Variants in LAMA3 observed in about 807,000 individuals in gnomAD.
LAMA3 encodes the protein laminin subunit alpha 3, also known as laminin subunit alpha-3.
LAMA3 carries 281 observed loss-of-function variants against 402.0 expected under a neutral mutation model. The ratio of observed to expected loss-of-function variants is 0.70; its 90% confidence interval spans 0.63 to 0.77. The LOEUF (loss-of-function observed/expected upper bound fraction) is 0.77. Ranked by LOEUF, LAMA3 falls within the 30% of genes least tolerant of loss-of-function variation. LAMA3 has a pLI of 0.00. For missense variants in LAMA3, 3,840 were observed against 4,215.5 expected, an observed-to-expected ratio of 0.91 and a Z score of 2.47; for synonymous variants, 1,431 against 1,558.4, an observed-to-expected ratio of 0.92 and a Z score of 1.93.
At chr18:23,719,871 GT>G (rs1328417823) in intron 2 of LAMA3, among the ~76,000 whole-genome samples, 1 of 152,150 alleles carries the variant, frequency 6.6e-6, no homozygotes, top group Non-Finnish European at 1.5e-5. Flanking sequence ...GACTCAGCTG[GT>G]TCCCCGGGTG....
chr18:23,942,583 T>C (rs1195472353), intron 68 of LAMA3, among the ~76,000 whole-genome samples: 6 of 145,892 alleles, frequency 4.1e-5, no homozygotes, highest in Non-Finnish European at 9.1e-5. Flanking sequence ...CACTCTGCTT[T>C]TTTTTTTTTT....
rs1175852425 is a variant in LAMA3, at chr18:23,749,489, T to C, written c.627T>C (p.Asp209=). The change falls in exon 4 of 75, where the codon GAT becomes GAC. Residue 209 remains aspartate, a synonymous_variant. Coordinates refer to ENST00000313654, the MANE Select transcript of LAMA3 (RefSeq NM_198129.4). Reference sequence around the variant, plus strand: ...AGGCAAATATGGCTGTCACCCGGGATGATGATGTACTTTGTGTTACTGAAT... The same window carrying C: ...AGGCAAATATGGCTGTCACCCGGGACGATGATGTACTTTGTGTTACTGAAT... ...GREANMAVTR[D]DDVLCVTEYS... 6.2e-7 allele frequency: 1 copy of C among 1,613,456 alleles called. No homozygotes were observed. The highest frequency in any genetic ancestry group is 8.5e-7 in the Non-Finnish European group (1 of 1,179,372).
chr18:23,907,047 T>G (rs2081272944), intron 52 of LAMA3, among the ~76,000 whole-genome samples: 1 of 152,242 alleles, frequency 6.6e-6, no homozygotes, highest in Admixed American at 6.5e-5. Context: ...GTGTCTGTAT[T>G]TGCCTGGATG....
chr18:23,815,566 G>T lies in LAMA3; in HGVS notation c.2040G>T (p.Gly680=). Residue 680 remains glycine (G), a synonymous_variant, in exon 17 of 75, where the codon GGG becomes GGT. Coordinates refer to ENST00000313654, the MANE Select transcript of LAMA3 (RefSeq NM_198129.4). ...CTTTGGAAAAGAGCAATTACTTTGG[G>T]TGTCAAGGTAAATAAGTCCATTGGG... is the stretch of plus-strand genomic sequence containing the variant. ...YFALEKSNYF[G]CQGCQCDIGG... 6.2e-7 allele frequency: 1 copy of T among 1,610,916 alleles called. No homozygotes were observed.
intron 11 of LAMA3, among the ~76,000 whole-genome samples, 197 bp from the exon 12 acceptor site, chr18:23,783,826 T>G (rs2062485347): frequency 6.6e-6 from 1 of 152,224 alleles, no homozygotes; most frequent in Non-Finnish European, 1.5e-5. Context: ...TACGTGTTTT[T>G]TTTAATGATA....
Position 23,842,439 on chromosome 18 carries a change from C to A in LAMA3, c.3381C>A (p.Tyr1127Ter), listed in dbSNP as rs767385840. 2.5e-6 allele frequency: 4 copies of A among 1,614,140 alleles called. No individual in the cohort carries two copies. Among genetic ancestry groups the A allele is most frequent in the Non-Finnish European group, 1.7e-6 (2 of 1,180,030 alleles). Residue 1127 changes from tyrosine (Y) to a stop codon, truncating the protein, a stop_gained, in exon 28 of 75, where the codon TAC (tyrosine) becomes TAA (stop). Coordinates refer to ENST00000313654, the MANE Select transcript of LAMA3 (RefSeq NM_198129.4). LOFTEE classifies it high-confidence loss of function. ...GACGTGTACCACACCTGGGCCGATA[C>A]GTCTTTGTCATCCATTTTTACCAAG... is the stretch of plus-strand genomic sequence containing the variant. ...LRGRVPHLGR[Y>*]VFVIHFYQAA...
At position 23,901,243 on chromosome 18, in the gene LAMA3, C is replaced by T; in HGVS notation, c.6121C>T (p.Arg2041Trp). The T allele has an allele frequency of 5.0e-6, 8 of 1,614,092 alleles. No homozygotes were observed. Among genetic ancestry groups the T allele is most frequent in the South Asian group, 1.1e-5 (1 of 91,066 alleles). The change falls in exon 48 of 75, where the codon CGG becomes TGG. Residue 2041 changes from arginine to tryptophan, a missense_variant. By Grantham distance (101) the Arg-to-Trp change is moderately radical. This residue lies in a region of LAMA3 where 891 missense variants were observed against 857.5 expected (regional missense o/e 1.04). Transcript: ENST00000313654. ...YEAKLSDLRARLQEAAAQAKQ... is the reference protein window; with the variant it reads ...YEAKLSDLRAWLQEAAAQAKQ... ...AGCCAAACTCAGTGACCTTCGTGCT[C>T]GGCTGCAGGAGGCAGCTGCCCAAGC...
chr18:23,764,540 G>A (rs921003356), intron 8 of LAMA3, among the ~76,000 whole-genome samples: 2 of 151,250 alleles, frequency 1.3e-5, no homozygotes, highest in Admixed American at 6.6e-5. Flanking sequence ...TTTGTACTTT[G>A]CTGTTCCAGG....
At chr18:23,700,950 C>T (rs181367333) in intron 1 of LAMA3, among the ~76,000 whole-genome samples, 32 of 152,230 alleles carry the variant, frequency 2.1e-4, no homozygotes, top group South Asian at 8.3e-4. Flanking sequence ...CTCTCATCTC[C>T]GCCTCCAAAA....
chr18:23,898,877 G>A (rs750159448), intron 45 of LAMA3, 29 bp downstream of exon 45: 59 of 1,571,308 alleles, frequency 3.8e-5, no homozygotes, highest in Admixed American at 5.0e-5. Flanking sequence ...TTAACTTTGG[G>A]GTTTTTTTGC....
chr18:23,842,699 G>C lies in LAMA3; in HGVS notation c.3552G>C (p.Glu1184Asp), dbSNP rs553288384. The C allele has an allele frequency of 1.4e-5, 22 of 1,614,226 alleles. No homozygotes were observed. The South Asian group carries it at 2.0e-4, about 14-fold the overall frequency. ...GCCAGATTGAGTTTGACATCTCAGA[G>C]CCTGAAGTGGCCGCAACTGTGAAGG... ...AEGQIEFDISEPEVAATVKVP... is the reference protein window; with the variant it reads ...AEGQIEFDISDPEVAATVKVP... The change falls in exon 29 of 75, where the codon GAG (glutamate) becomes GAC (aspartate). Residue 1184 changes from glutamate to aspartate, a missense_variant. Physicochemically the swap from Glu to Asp is conservative, Grantham distance 45. This residue lies in a region of LAMA3 where 2,109 missense variants were observed against 2,376.0 expected (regional missense o/e 0.89). Transcript: ENST00000313654.
chr18:23,814,589 T>G, intron 15 of LAMA3, 87 bp downstream of exon 15: 1 of 850,330 alleles, frequency 1.2e-6, no homozygotes, highest in Admixed American at 1.8e-5. Context: ...AAAAGAGCTA[T>G]TTGTTGAATC....
chr18:23,749,313 C>T, intron 3 of LAMA3, 115 bp from the exon 4 acceptor site: 1 of 655,806 alleles, frequency 1.5e-6, no homozygotes, highest in South Asian at 1.9e-5. Context: ...GTTTTAAATG[C>T]CTTTCTGTTT....
At chr18:23,834,324 T>G (rs2144525775) in intron 24 of LAMA3, 4 of 351,936 alleles carry the variant, frequency 1.1e-5, no homozygotes, top group Non-Finnish European at 2.2e-5. Context: ...TCAAAGGCTG[T>G]GTCAAGTACC....
At chr18:23,905,049 G>A (rs1380521360) in intron 51 of LAMA3, among the ~76,000 whole-genome samples, 1 of 152,040 alleles carries the variant, frequency 6.6e-6, no homozygotes, top group Non-Finnish European at 1.5e-5. Context: ...AGGTCATTTG[G>A]TCTTACATCT....
rs780388235 is a variant in LAMA3, at chr18:23,898,937, A to G, written c.5725-17A>G. On this transcript the variant is annotated splice_polypyrimidine_tract_variant and intron_variant, in intron 45 of 74. Coordinates refer to ENST00000313654, the MANE Select transcript of LAMA3 (RefSeq NM_198129.4). ...TATTGACTTAATTTGCTGCTAATCA[A>G]TTTATTTTTCATATAGGCTCAAGTA... 3 of 1,607,060 alleles carry G rather than the reference A, an allele frequency of 1.9e-6. No individual in the cohort carries two copies. In the East Asian group the frequency reaches 6.7e-5, roughly 36 times the overall value.
chr18:23,853,662 T>TA (rs1253200649), intron 32 of LAMA3, among the ~76,000 whole-genome samples: 2 of 152,188 alleles, frequency 1.3e-5, no homozygotes, highest in African/African-American at 4.8e-5. Context: ...CAGATGTTGT[T>TA]ACAAAACGTT....
chr18:23,720,943 G>A (rs747720969), intron 2 of LAMA3, among the ~76,000 whole-genome samples: 46 of 152,022 alleles, frequency 3.0e-4, no homozygotes, highest in Non-Finnish European at 6.5e-4. Flanking sequence ...GATTGCTTGA[G>A]GCCAGGAGTT....
At position 23,784,095 on chromosome 18, in the gene LAMA3, G is replaced by A. The variant is rs1437074022; in HGVS notation, c.1541G>A (p.Gly514Glu). 6.2e-7 allele frequency: 1 copy of A among 1,614,010 alleles called. No homozygotes were observed. Among genetic ancestry groups the A allele is most frequent in the Non-Finnish European group, 8.5e-7 (1 of 1,180,030 alleles). Residue 514 changes from glycine (G) to glutamate (E), a missense_variant, in exon 12 of 75, where the codon GGG becomes GAG. Physicochemically the swap from Gly to Glu is moderately conservative, Grantham distance 98. Transcript: ENST00000313654. ...CACGGACGGTGCCTGTGCCGCCCTG[G>A]GGTTGAGGGCCCTCGATGTGATACC... ...DAHGRCLCRPGVEGPRCDTCR... is the reference protein window; with the variant it reads ...DAHGRCLCRPEVEGPRCDTCR...
Sources: allele counts gnomAD v4.1 joint callset (sites outside exome capture counted in the v4.1 genomes callset), GRCh38; gene constraint gnomAD v4.1.1; regional missense constraint gnomAD v4.1.1; transcripts MANE v1.5; gene names NCBI Gene and HGNC (gene_info 2026-07-23, HGNC 2026-07-21).